The following TCEA1 variants were observed in gnomAD, a reference collection of about 807,000 sequenced individuals.
The protein encoded by TCEA1 is transcription elongation factor A1, also known as transcription elongation factor A protein 1.
TCEA1 carries 21 observed loss-of-function variants against 43.8 expected under a neutral mutation model. The observed-to-expected ratio is 0.48, with a 90% CI of 0.34 to 0.69. TCEA1 has a LOEUF of 0.69. Ranked by LOEUF, TCEA1 falls within the 30% of genes least tolerant of loss-of-function variation. The pLI, the probability that TCEA1 is intolerant of heterozygous loss-of-function variation, is 0.01. For missense variants in TCEA1, 250 were observed against 365.1 expected, an observed-to-expected ratio of 0.68 and a Z score of 2.57; for synonymous variants, 104 against 117.5, an observed-to-expected ratio of 0.88 and a Z score of 0.75.
intron 5 of TCEA1, 42 bp from the exon 6 acceptor site, chr8:53,987,067 T>C (rs764300118): frequency 1.0e-5 from 15 of 1,505,086 alleles, no homozygotes; most frequent in Middle Eastern, 1.7e-4. Flanking sequence ...TTGTAACAGA[T>C]TAAAAGAAAA....
intron 6 of TCEA1, 37 bp downstream of exon 6, chr8:53,986,932 T>A: frequency 1.3e-6 from 2 of 1,490,530 alleles, no homozygotes; most frequent in Non-Finnish European, 1.8e-6. Flanking sequence ...TATTACTTAT[T>A]AAAAAAAACA....
chr8:53,990,755 T>C (rs1444387406), intron 4 of TCEA1, among the ~76,000 whole-genome samples: 1 of 152,246 alleles, frequency 6.6e-6, no homozygotes, highest in Non-Finnish European at 1.5e-5. Context: ...ATTGCCCATA[T>C]GGGCTGAGGG....
intron 6 of TCEA1, among the ~76,000 whole-genome samples, chr8:53,984,908 T>A (rs1446473388): frequency 6.6e-6 from 1 of 151,992 alleles, no homozygotes; most frequent in Admixed American, 6.6e-5. Flanking sequence ...CTGAAATTTC[T>A]AAGCAATTCA....
At chr8:54,019,805 T>G (rs893526078) in intron 1 of TCEA1, among the ~76,000 whole-genome samples, 1 of 152,166 alleles carries the variant, frequency 6.6e-6, no homozygotes, top group Non-Finnish European at 1.5e-5. Context: ...ATCAGCCTGT[T>G]TGAATTTCCA....
At chr8:54,013,704 A>T (rs1481561664) in intron 1 of TCEA1, among the ~76,000 whole-genome samples, 96 of 128,722 alleles carry the variant, frequency 7.5e-4, no homozygotes, top group African/African-American at 2.7e-3. Flanking sequence ...AAAAAAAAAC[A>T]AAAAACAGAC....
chr8:53,993,616 G>A (rs770003392), intron 4 of TCEA1, 52 bp downstream of exon 4: 1 of 1,441,572 alleles, frequency 6.9e-7, no homozygotes, highest in Non-Finnish European at 9.6e-7. Flanking sequence ...AATTGATGCA[G>A]GAAGTAAAAC....
chr8:54,007,855 CTT>C (rs1370848281), intron 2 of TCEA1, among the ~76,000 whole-genome samples: 2 of 152,086 alleles, frequency 1.3e-5, no homozygotes, highest in African/African-American at 4.8e-5. Flanking sequence ...CTTTTTAACA[CTT>C]TGACTTTTAT....
At chr8:54,012,336 TGGATCACGAGGTCA>T (rs1804677361) in intron 1 of TCEA1, among the ~76,000 whole-genome samples, 1 of 152,106 alleles carries the variant, frequency 6.6e-6, no homozygotes, top group East Asian at 1.9e-4. Context: ...CCGAGGTGGA[TGGATCACGAGGTCA>T]GGAGTTCAAG....
intron 8 of TCEA1, chr8:53,973,167 G>T: frequency 1.9e-6 from 1 of 527,094 alleles, no homozygotes; most frequent in Non-Finnish European, 3.5e-6. Context: ...GAAAACAAAA[G>T]TCAGAAGGAC....
intron 6 of TCEA1, among the ~76,000 whole-genome samples, chr8:53,986,760 A>C (rs779014140): frequency 6.6e-6 from 1 of 152,158 alleles, no homozygotes; most frequent in Non-Finnish European, 1.5e-5. Context: ...ATTCCCTACA[A>C]TGGAATCCCA....
At chr8:54,019,412 AT>A (rs1463014218) in intron 1 of TCEA1, among the ~76,000 whole-genome samples, 1 of 151,990 alleles carries the variant, frequency 6.6e-6, no homozygotes, top group East Asian at 1.9e-4. Flanking sequence ...TCTACTAAAA[AT>A]ACGAAAATTA....
Position 54,022,329 on chromosome 8 carries a change from C to T in TCEA1, c.-204G>A, listed in dbSNP as rs971242371. 41 of 618,468 alleles carry T rather than the reference C, an allele frequency of 6.6e-5. No homozygotes were observed. The highest frequency in any genetic ancestry group is 1.0e-4 in the Non-Finnish European group (36 of 357,074). 38.3% of individuals were successfully genotyped at this position (618,468 alleles called of 1,614,324 possible). Reference sequence around the variant, plus strand: ...CCGGCTCCTCCTCCCCAGGCAGCGACAATCGAACACCGCGCGCGACGTGCA... The same window carrying T: ...CCGGCTCCTCCTCCCCAGGCAGCGATAATCGAACACCGCGCGCGACGTGCA... On this transcript the variant is annotated 5_prime_UTR_variant, in exon 1 of 10. Coordinates refer to ENST00000521604, the MANE Select transcript of TCEA1 (RefSeq NM_006756.4).
chr8:54,002,261 G>GGAGATTAA (rs1395504494), intron 2 of TCEA1, among the ~76,000 whole-genome samples: 1 of 151,462 alleles, frequency 6.6e-6, no homozygotes, highest in African/African-American at 2.4e-5. Context: ...CACGAGGTCG[G>GGAGATTAA]GAGATTAAGA....
At chr8:54,007,620 A>G (rs1804514299) in intron 2 of TCEA1, among the ~76,000 whole-genome samples, 1 of 152,262 alleles carries the variant, frequency 6.6e-6, no homozygotes, top group Non-Finnish European at 1.5e-5. Flanking sequence ...TACTGGTAAT[A>G]CAACTGTGGT....
rs1209303220 is a variant in TCEA1, at chr8:53,971,790, G to A, written c.826-1327C>T. 1.2e-5 allele frequency: 3 copies of A among 241,074 alleles called. No homozygotes were observed. In the South Asian group the frequency reaches 1.6e-4, roughly 13 times the overall value. The allele number at this position is 241,074 out of a possible 1,614,324, so 14.9% of individuals were successfully genotyped here. On this transcript the variant is annotated intron_variant, in intron 8 of 9. Transcript: ENST00000521604. Reference sequence around the variant, plus strand: ...GAAGAAAAAACTCCAGACTAAAAAAGAAATATTCAAAAAAATCTAGTTGAG... The same window carrying A: ...GAAGAAAAAACTCCAGACTAAAAAAAAAATATTCAAAAAAATCTAGTTGAG...
At chr8:53,983,745 A>C (rs563918393) in intron 7 of TCEA1, among the ~76,000 whole-genome samples, 1 of 152,364 alleles carries the variant, frequency 6.6e-6, no homozygotes, top group East Asian at 1.9e-4. Context: ...AGCACTTACA[A>C]AGTGTACTTG....
At chr8:53,973,685 G>GA (rs1488779148) in intron 8 of TCEA1, 46 of 551,332 alleles carry the variant, frequency 8.3e-5, no homozygotes, top group Middle Eastern at 3.5e-4. Flanking sequence ...AGCAGCTCAT[G>GA]AAAAAAAAGA....
At chr8:54,013,393 G>A (rs999654154) in intron 1 of TCEA1, among the ~76,000 whole-genome samples, 8 of 152,008 alleles carry the variant, frequency 5.3e-5, no homozygotes, top group South Asian at 4.1e-4. Context: ...GGCTGGGCAC[G>A]GTGGCTTATG....
intron 6 of TCEA1, among the ~76,000 whole-genome samples, chr8:53,985,621 G>A (rs1803667991): frequency 6.6e-6 from 1 of 152,104 alleles, no homozygotes; most frequent in African/African-American, 2.4e-5. Flanking sequence ...CACTGCCAAA[G>A]CTGAACCCTG....
Sources: gnomAD v4.1 joint callset for allele counts (sites outside exome capture counted in the v4.1 genomes callset) on GRCh38, gnomAD v4.1.1 for gene constraint, MANE v1.5 for transcripts, NCBI Gene and HGNC (gene_info 2026-07-23, HGNC 2026-07-21) for gene names.